The following EIPR1 variants were observed in gnomAD, a reference collection of about 807,000 sequenced individuals.
EIPR1 encodes the protein EARP complex and GARP complex interacting protein 1.
Under a neutral mutation model 48.1 loss-of-function variants are expected in EIPR1, and 25 were observed. The observed-to-expected ratio is 0.52, with a 90% CI of 0.38 to 0.73. The LOEUF is 0.73. Among genes scored for constraint, EIPR1 ranks in the 30% least tolerant of loss-of-function variants. The pLI, the probability that EIPR1 is intolerant of heterozygous loss-of-function variation, is 0.00. For missense variants in EIPR1, 415 were observed against 506.2 expected (o/e 0.82, Z 1.73); for synonymous variants, 204 against 201.9 (o/e 1.01, Z -0.09).
intron 3 of EIPR1, chr2:3,319,274 T>G: frequency 3.4e-6 from 1 of 293,454 alleles, no homozygotes; most frequent in Non-Finnish European, 6.8e-6. Flanking sequence ...GCTCTGGAAG[T>G]GCGCTGTGTG....
At chr2:3,363,384 C>G (rs1348024182) in intron 1 of EIPR1, among the ~76,000 whole-genome samples, 2 of 152,188 alleles carry the variant, frequency 1.3e-5, no homozygotes, top group African/African-American at 2.4e-5. Flanking sequence ...AAGGAATCAT[C>G]TTTCTAAAAA....
At chr2:3,368,179 C>G (rs1671022778) in intron 1 of EIPR1, among the ~76,000 whole-genome samples, 1 of 152,204 alleles carries the variant, frequency 6.6e-6, no homozygotes, top group Admixed American at 6.5e-5. Context: ...AAGCCAAAAG[C>G]CCACAGTCTC....
At chr2:3,253,845 A>T (rs1471901903) in intron 4 of EIPR1, among the ~76,000 whole-genome samples, 1 of 152,214 alleles carries the variant, frequency 6.6e-6, no homozygotes, top group African/African-American at 2.4e-5. Flanking sequence ...AGATTGCTCC[A>T]GACAGGCAAA....
chr2:3,357,650 T>C (rs1199904080), intron 1 of EIPR1, among the ~76,000 whole-genome samples: 2 of 152,236 alleles, frequency 1.3e-5, no homozygotes, highest in East Asian at 3.8e-4. Flanking sequence ...TTCCCATTTC[T>C]GTATGTCACT....
chr2:3,356,692 T>C (rs1033107360), intron 1 of EIPR1, among the ~76,000 whole-genome samples: 3 of 152,202 alleles, frequency 2.0e-5, no homozygotes, highest in African/African-American at 7.2e-5. Flanking sequence ...TCTCCTGGAT[T>C]ATTTAATCGC....
chr2:3,246,726 G>C (rs2103197743), intron 4 of EIPR1, among the ~76,000 whole-genome samples: 1 of 151,120 alleles, frequency 6.6e-6, no homozygotes, highest in East Asian at 2.0e-4. Flanking sequence ...CTCCCTGCCG[G>C]GGTGGTAGCC....
At chr2:3,344,404 A>G (rs1308294684) in intron 2 of EIPR1, among the ~76,000 whole-genome samples, 1 of 152,044 alleles carries the variant, frequency 6.6e-6, no homozygotes, top group Non-Finnish European at 1.5e-5. Flanking sequence ...CACAGTTTCT[A>G]CTCTAGTCGG....
At chr2:3,203,285 A>C (rs2103118783) in intron 5 of EIPR1, among the ~76,000 whole-genome samples, 1 of 152,386 alleles carries the variant, frequency 6.6e-6, no homozygotes, top group Non-Finnish European at 1.5e-5. Context: ...GGTTAGAGTA[A>C]CTAGGGAAAG....
At chr2:3,214,894 G>A (rs898803527) in intron 4 of EIPR1, among the ~76,000 whole-genome samples, 1 of 152,156 alleles carries the variant, frequency 6.6e-6, no homozygotes, top group Non-Finnish European at 1.5e-5. Context: ...GAGGTCATGA[G>A]GGTGGGGACC....
At chr2:3,299,624 T>TCACACACA (rs3064647) in intron 3 of EIPR1, among the ~76,000 whole-genome samples, 189 of 136,810 alleles carry the variant, frequency 1.4e-3, no homozygotes, top group Middle Eastern at 3.6e-3. Context: ...TCTCTCTCTC[T>TCACACACA]CACACACACA....
At chr2:3,332,632 C>T (rs1260326339) in intron 3 of EIPR1, among the ~76,000 whole-genome samples, 2 of 152,196 alleles carry the variant, frequency 1.3e-5, no homozygotes, top group African/African-American at 4.8e-5. Flanking sequence ...ACAGTCCTGT[C>T]GAGACAGCTT....
chr2:3,211,617 T>C (rs1417105604), intron 5 of EIPR1, among the ~76,000 whole-genome samples: 1 of 152,196 alleles, frequency 6.6e-6, no homozygotes, highest in Non-Finnish European at 1.5e-5. Context: ...AACTTTCCAA[T>C]GGAAACACTG....
chr2:3,344,799 C>T (rs1341490129), intron 2 of EIPR1, among the ~76,000 whole-genome samples: 2 of 151,866 alleles, frequency 1.3e-5, no homozygotes, highest in African/African-American at 2.4e-5. Flanking sequence ...GGCACCACCA[C>T]GCCCAGCTAA....
chr2:3,367,118 A>C (rs1670993569), intron 1 of EIPR1, among the ~76,000 whole-genome samples: 1 of 152,022 alleles, frequency 6.6e-6, no homozygotes, highest in South Asian at 2.1e-4. Context: ...AAAAAAAAAA[A>C]AAAGGGAACA....
chr2:3,357,921 G>A (rs374334230), intron 1 of EIPR1, among the ~76,000 whole-genome samples: 6 of 152,296 alleles, frequency 3.9e-5, no homozygotes, highest in African/African-American at 1.4e-4. Flanking sequence ...CTTATGTCTT[G>A]ACTTTAGCCC....
At chr2:3,222,071 C>T (rs1265435756) in intron 4 of EIPR1, among the ~76,000 whole-genome samples, 1 of 152,076 alleles carries the variant, frequency 6.6e-6, no homozygotes, top group African/African-American at 2.4e-5. Context: ...GATTCAAAGC[C>T]GAATCAAACA....
At chr2:3,285,674 C>T (rs989449828) in intron 3 of EIPR1, among the ~76,000 whole-genome samples, 9 of 150,050 alleles carry the variant, frequency 6.0e-5, no homozygotes, top group Non-Finnish European at 1.3e-4. Context: ...CCGGGACCCT[C>T]GCACGGAGCA....
chr2:3,321,033 G>T (rs1054172055), intron 3 of EIPR1, among the ~76,000 whole-genome samples: 2 of 152,204 alleles, frequency 1.3e-5, no homozygotes, highest in African/African-American at 4.8e-5. Context: ...CACTGTCAAG[G>T]TGTTTTTATC....
At chr2:3,192,908 G>A (rs1251515839) in intron 7 of EIPR1, among the ~76,000 whole-genome samples, 2 of 152,294 alleles carry the variant, frequency 1.3e-5, no homozygotes, top group Middle Eastern at 3.4e-3. Flanking sequence ...AGCAACATGT[G>A]GATTAGCGAT....
Sources: allele counts gnomAD v4.1 joint callset (sites outside exome capture counted in the v4.1 genomes callset), GRCh38; gene constraint gnomAD v4.1.1; transcripts MANE v1.5; gene names NCBI Gene and HGNC (gene_info 2026-07-23, HGNC 2026-07-21).